The following PRH1 variants were observed in gnomAD, a reference collection of about 807,000 sequenced individuals.
PRH1 encodes the protein proline rich protein HaeIII subfamily 1.
Under a neutral mutation model 7.9 loss-of-function variants are expected in PRH1, and 7 were observed. That is an observed-to-expected ratio of 0.89 (90% CI 0.50 to 1.67). The LOEUF is 1.67. Ranked by LOEUF, PRH1 falls within the 40% of genes most tolerant of loss-of-function variation. The pLI is 0.00. For missense variants in PRH1, 109 were observed against 223.6 expected, an observed-to-expected ratio of 0.49 and a Z score of 3.27; for synonymous variants, 45 against 80.8, an observed-to-expected ratio of 0.56 and a Z score of 2.38.
At chr12:10,928,860 C>A (rs1209194446) in intron 2 of PRH1, among the ~76,000 whole-genome samples, 2 of 152,134 alleles carry the variant, frequency 1.3e-5, no homozygotes, top group Non-Finnish European at 2.9e-5. Context: ...TGCTGCCCAA[C>A]CCCCTGACAC....
At chr12:10,942,407 G>T (rs1950416801) in intron 2 of PRH1, among the ~76,000 whole-genome samples, 1 of 152,118 alleles carries the variant, frequency 6.6e-6, no homozygotes, top group South Asian at 2.1e-4. Context: ...AGGGGGGATG[G>T]GGCTGAGGTT....
intron 1 of PRH1, among the ~76,000 whole-genome samples, chr12:11,147,573 C>T (rs1946904824): frequency 1.3e-5 from 2 of 152,132 alleles, no homozygotes; most frequent in Admixed American, 1.3e-4. Context: ...TATGAAGAAC[C>T]TTGTTATCTT....
At chr12:10,978,834 C>T (rs1331576174) in intron 1 of PRH1, among the ~76,000 whole-genome samples, 5 of 152,054 alleles carry the variant, frequency 3.3e-5, no homozygotes, top group African/African-American at 1.2e-4. Flanking sequence ...ATGAATGAAT[C>T]ATTAAAGAAA....
intron 1 of PRH1, among the ~76,000 whole-genome samples, chr12:11,155,957 CTA>C (rs1240215744): frequency 7.2e-5 from 11 of 152,252 alleles, no homozygotes; most frequent in African/African-American, 2.6e-4. Flanking sequence ...TCACCCCAGT[CTA>C]TATGTTATTG....
At chr12:10,923,044 G>A (rs1490947387) in intron 2 of PRH1, among the ~76,000 whole-genome samples, 1 of 150,186 alleles carries the variant, frequency 6.7e-6, no homozygotes, top group East Asian at 2.0e-4. Context: ...TAGCCAGGAT[G>A]GTCTCGATCT....
At chr12:11,168,799 T>A (rs1305315227) in intron 1 of PRH1, among the ~76,000 whole-genome samples, 1 of 152,312 alleles carries the variant, frequency 6.6e-6, no homozygotes, top group Non-Finnish European at 1.5e-5. Flanking sequence ...TATTTCCCAA[T>A]GGAATGTTAA....
At chr12:11,061,582 C>T (rs915999455) in intron 1 of PRH1, 2 of 1,614,076 alleles carry the variant, frequency 1.2e-6, no homozygotes, top group Non-Finnish European at 8.5e-7. Context: ...GTAAATGGCA[C>T]ATAACAAGAG....
intron 2 of PRH1, among the ~76,000 whole-genome samples, chr12:10,902,859 A>G (rs1460851993): frequency 1.3e-5 from 2 of 152,208 alleles, no homozygotes; most frequent in Admixed American, 6.5e-5. Context: ...GTCTTACAAG[A>G]GATCCTTAAG....
intron 1 of PRH1, among the ~76,000 whole-genome samples, chr12:11,125,855 A>G (rs1014120567): frequency 6.6e-6 from 1 of 152,252 alleles, no homozygotes; most frequent in African/African-American, 2.4e-5. Flanking sequence ...AAGAGTGTGG[A>G]GGTAGACTTC....
chr12:11,047,180 C>A, exon 1 of PRH1: 1 of 379,104 alleles, frequency 2.6e-6, no homozygotes, highest in Non-Finnish European at 5.8e-6. Context: ...GAGCCAAATG[C>A]TGGAGAACCT....
chr12:11,121,178 A>G (rs904777929), exon 2 of PRH1: 6 of 145,200 alleles, frequency 4.1e-5, no homozygotes, highest in Admixed American at 2.1e-4. Context: ...AATGCTGGAG[A>G]AACTACGTAG....
chr12:11,058,516 C>T (rs764379943), intron 1 of PRH1, among the ~76,000 whole-genome samples: 1 of 152,274 alleles, frequency 6.6e-6, no homozygotes, highest in East Asian at 1.9e-4. Context: ...GATTTTGGAG[C>T]CAACATATTC....
At chr12:10,891,786 A>G (rs1443280996) in intron 2 of PRH1, 2 of 152,250 alleles carry the variant, frequency 1.3e-5, no homozygotes, top group Admixed American at 1.3e-4. Context: ...CTGATGTTAC[A>G]TGTGCAAGTA....
At chr12:11,014,095 C>A (rs888464131) in intron 1 of PRH1, among the ~76,000 whole-genome samples, 3 of 152,108 alleles carry the variant, frequency 2.0e-5, no homozygotes, top group Non-Finnish European at 2.9e-5. Context: ...GTGCTATATG[C>A]CAACATGCGT....
chr12:11,109,636 A>G (rs1034468052), intron 1 of PRH1, among the ~76,000 whole-genome samples: 1 of 152,178 alleles, frequency 6.6e-6, no homozygotes, highest in African/African-American at 2.4e-5. Context: ...ATCAACAAAA[A>G]GGATGTACAC....
At chr12:10,932,714 CT>C (rs1441441889) in intron 2 of PRH1, among the ~76,000 whole-genome samples, 1 of 152,076 alleles carries the variant, frequency 6.6e-6, no homozygotes, top group Non-Finnish European at 1.5e-5. Context: ...CTATTTTCCC[CT>C]ATTTTATCAC....
In PRH1 at chr12:11,001,611, A is replaced by G. The variant is rs189236374; in HGVS notation, c.-125-27890T>C. Among the ~76,000 whole-genome samples the G allele has an allele frequency of 2.6e-5, 4 of 152,246 alleles. No individual in the cohort carries two copies. In the East Asian group the frequency reaches 7.7e-4, roughly 29 times the overall value. On this transcript the variant is annotated intron_variant, in intron 1 of 3. Coordinates refer to the PRH1 transcript ENST00000539853. ...TTGTGGGAGAACCCAGAGTTGCTTA[A>G]GATTTAATTTCTGCCATCAGGTTAA...
At chr12:10,948,197 A>G (rs905770045) in intron 2 of PRH1, among the ~76,000 whole-genome samples, 3 of 152,240 alleles carry the variant, frequency 2.0e-5, no homozygotes, top group African/African-American at 7.2e-5. Flanking sequence ...GAAAGAGTTC[A>G]TGAATGATAT....
chr12:10,949,065 T>C (rs1793517672), intron 2 of PRH1, among the ~76,000 whole-genome samples: 1 of 152,192 alleles, frequency 6.6e-6, no homozygotes, highest in African/African-American at 2.4e-5. Flanking sequence ...CTGGCTACAG[T>C]TCAAAACTTG....
Sources: gnomAD v4.1 joint callset for allele counts (sites outside exome capture counted in the v4.1 genomes callset) on GRCh38, gnomAD v4.1.1 for gene constraint, MANE v1.5 for transcripts, NCBI Gene and HGNC (gene_info 2026-07-23, HGNC 2026-07-21) for gene names.